Variants in MPRIP observed in about 807,000 individuals in gnomAD.
The protein encoded by MPRIP is myosin phosphatase Rho-interacting protein.
Under a neutral mutation model 234.9 loss-of-function variants are expected in MPRIP, and 59 were observed. The ratio of observed to expected loss-of-function variants is 0.25; its 90% CI spans 0.20 to 0.31. The LOEUF is 0.31. MPRIP is among the 10% of genes least tolerant of loss of function. MPRIP has a pLI of 1.00. For missense variants in MPRIP, 2,436 were observed against 3,071.0 expected (o/e 0.79, Z 4.89); for synonymous variants, 1,144 against 1,263.9 (o/e 0.91, Z 2.01).
chr17:17,161,042 G>A (rs1390788424), intron 14 of MPRIP, among the ~76,000 whole-genome samples, 198 bp from the exon 15 acceptor site: 2 of 152,214 alleles, frequency 1.3e-5, no homozygotes, highest in Non-Finnish European at 2.9e-5. Flanking sequence ...TACCAAGTCT[G>A]CCATTGTTAC....
At chr17:17,112,524 C>T (rs892654245) in intron 3 of MPRIP, among the ~76,000 whole-genome samples, 6 of 152,156 alleles carry the variant, frequency 3.9e-5, no homozygotes, top group African/African-American at 1.4e-4. Flanking sequence ...CCAGCCCCTC[C>T]CCAGCTGCCC....
intron 5 of MPRIP, among the ~76,000 whole-genome samples, chr17:17,135,703 C>G (rs964219477): frequency 1.3e-5 from 2 of 152,208 alleles, no homozygotes; most frequent in African/African-American, 4.8e-5. Context: ...ATGACCTAAT[C>G]ACCTCCTAAA....
chr17:17,048,143 G>A (rs892134007), intron 1 of MPRIP, among the ~76,000 whole-genome samples: 8 of 152,128 alleles, frequency 5.3e-5, no homozygotes, highest in African/African-American at 1.9e-4. Context: ...GTCTAGCCCT[G>A]TTTTTTTGTG....
chr17:17,112,104 C>T (rs2090184246), intron 3 of MPRIP, among the ~76,000 whole-genome samples: 1 of 152,162 alleles, frequency 6.6e-6, no homozygotes, highest in Non-Finnish European at 1.5e-5. Context: ...TGCGCTTTTC[C>T]AACTGGTGTC....
chr17:17,062,591 G>T (rs1226834275), intron 1 of MPRIP, among the ~76,000 whole-genome samples: 1 of 152,230 alleles, frequency 6.6e-6, no homozygotes. Flanking sequence ...TCCAGGGGGT[G>T]CCGTTCACCA....
At chr17:17,162,349 C>T (rs1031194649) in intron 15 of MPRIP, among the ~76,000 whole-genome samples, 1 of 152,202 alleles carries the variant, frequency 6.6e-6, no homozygotes, top group South Asian at 2.1e-4. Context: ...ATTTGCAGAC[C>T]GCAGTGCGCT....
Position 17,131,630 on chromosome 17 carries a change from C to A in MPRIP, c.433C>A (p.Leu145Ile). 6.2e-7 allele frequency: 1 copy of A among 1,614,168 alleles called. No homozygotes were observed. The highest frequency in any genetic ancestry group is 1.7e-4 in the Middle Eastern group (1 of 6,060). ...KEIVSGWLEMLMVYPRTNKQN... is the reference protein window; with the variant it reads ...KEIVSGWLEMIMVYPRTNKQN... ...TTCTCTTCCCAGGTGGCTGGAGATG[C>A]TCATGGTCTATCCCCGGACCAACAA... The change falls in exon 5 of 24, where the codon CTC (leucine) becomes ATC (isoleucine). Residue 145 changes from leucine to isoleucine, a missense_variant. Physicochemically the swap from Leu to Ile is conservative, Grantham distance 5 (BLOSUM62 2). This residue lies in a region of MPRIP where 140 missense variants were observed against 207.3 expected (regional missense o/e 0.68). Transcript: ENST00000651222.
Position 17,078,043 on chromosome 17 carries a change from G to T in MPRIP, c.234G>T (p.Glu78Asp), listed in dbSNP as rs150270997. The T allele has an allele frequency of 6.2e-7, 1 of 1,614,164 alleles. No homozygotes were observed. Among genetic ancestry groups the T allele is most frequent in the Non-Finnish European group, 8.5e-7 (1 of 1,180,014 alleles). ...AGCGACGGTTCTTCATCCTTTACGAGCACGGCCTCTTGCGCTACGCCCTGG... is the reference window on the plus strand; with the variant it reads ...AGCGACGGTTCTTCATCCTTTACGATCACGGCCTCTTGCGCTACGCCCTGG... ...KWQRRFFILY[E>D]HGLLRYALDE... is the part of the protein sequence containing the mutation. Residue 78 changes from glutamate to aspartate, a missense_variant, in exon 3 of 24, where the codon GAG becomes GAT. Coordinates refer to ENST00000651222, the MANE Select transcript of MPRIP (RefSeq NM_001364716.4). The surrounding 1 kb of genome is among the most constrained non-coding windows in gnomAD (Gnocchi z 4.3).
At chr17:17,062,223 A>G (rs2088888903) in intron 1 of MPRIP, among the ~76,000 whole-genome samples, 1 of 152,124 alleles carries the variant, frequency 6.6e-6, no homozygotes, top group Non-Finnish European at 1.5e-5. Context: ...TCTGCCAGGA[A>G]TGACCAAGAT....
Position 17,176,509 on chromosome 17 carries a change from G to C in MPRIP, c.6954G>C (p.Leu2318=), listed in dbSNP as rs763913731. ...SSLKDELQTA[L]RDKKYASDKY... ...TCAAGGATGAGCTGCAGACGGCACTGCGGGTAAGGCCACCGCACCACAGGA... is the reference window on the plus strand; with the variant it reads ...TCAAGGATGAGCTGCAGACGGCACTCCGGGTAAGGCCACCGCACCACAGGA... The change falls in exon 21 of 24, where the codon CTG becomes CTC. Residue 2318 remains leucine, a synonymous_variant. Transcript: ENST00000651222. 7.4e-6 allele frequency: 12 copies of C among 1,613,418 alleles called. No homozygotes were observed. The African/African-American group carries it at 1.5e-4, about 20-fold the overall frequency.
chr17:17,173,742 C>T (rs770732691), intron 18 of MPRIP, 174 bp from the exon 19 acceptor site: 10 of 747,758 alleles, frequency 1.3e-5, no homozygotes, highest in South Asian at 4.4e-5. Flanking sequence ...CAGGGAGGGG[C>T]GTGAGGCCAT....
chr17:17,136,377 A>G lies in MPRIP; in HGVS notation c.663A>G (p.Pro221=), dbSNP rs199591344. The change falls in exon 6 of 24, where the codon CCA becomes CCG. Residue 221 remains proline (P), a synonymous_variant. Transcript: ENST00000651222. ...AGCCAGATGGCAGCAGCCTGAGTCC[A>G]GCTCAGAGTCCCAGCCAGAGCCAGC... ...KDQPDGSSLS[P]AQSPSQSQPP... is the part of the protein sequence containing the mutation. The G allele has an allele frequency of 1.2e-5, 20 of 1,610,390 alleles. No individual in the cohort carries two copies. The African/African-American group carries it at 1.3e-4, about 11-fold the overall frequency.
In MPRIP at chr17:17,166,440, A is replaced by G. The variant is rs1399007959; in HGVS notation, c.4849A>G (p.Arg1617Gly). 1 of 1,304,384 alleles carries G rather than the reference A, an allele frequency of 7.7e-7. No homozygotes were observed. Among genetic ancestry groups the G allele is most frequent in the Middle Eastern group, 2.1e-4 (1 of 4,698 alleles). The allele number at this position is 1,304,384 out of a possible 1,614,324, so 80.8% of individuals were successfully genotyped here. A position where few individuals can be genotyped will look rare whatever the true frequency, so the allele number is the denominator to read the frequency against. Residue 1617 changes from arginine (R) to glycine (G), a missense_variant, in exon 16 of 24, where the codon AGG becomes GGG. By Grantham distance (125) the Arg-to-Gly change is moderately radical. This residue lies in a region of MPRIP where 1,998 missense variants were observed against 2,520.3 expected (regional missense o/e 0.79). Coordinates refer to ENST00000651222, the MANE Select transcript of MPRIP (RefSeq NM_001364716.4). The surrounding 1 kb of genome is among the most constrained non-coding windows in gnomAD (Gnocchi z 4.4). ...SAGAPVDTWA[R>G]KVLVDGEFWS... ...TGGGGCCCCCGTAGACACCTGGGCCAGGAAGGTCCTAGTGGATGGTGAGTT... is the reference window on the plus strand; with the variant it reads ...TGGGGCCCCCGTAGACACCTGGGCCGGGAAGGTCCTAGTGGATGGTGAGTT...
chr17:17,112,571 G>T (rs533815460), intron 3 of MPRIP, among the ~76,000 whole-genome samples: 1 of 152,038 alleles, frequency 6.6e-6, no homozygotes, highest in South Asian at 2.1e-4. Context: ...GGCTCCTGCC[G>T]TCTGCTCCTG....
chr17:17,142,831 C>G, intron 8 of MPRIP, 66 bp downstream of exon 8: 3 of 1,555,426 alleles, frequency 1.9e-6, no homozygotes, highest in East Asian at 2.3e-5. Flanking sequence ...GCACCCCATG[C>G]GCCAAGTCCC....
chr17:17,173,733 A>G, intron 18 of MPRIP, 183 bp from the exon 19 acceptor site: 3 of 727,988 alleles, frequency 4.1e-6, no homozygotes, highest in South Asian at 3.0e-5. Flanking sequence ...AGAAAGGACC[A>G]GGGAGGGGCG....
chr17:17,169,692 T>C (rs1318590271), intron 16 of MPRIP, among the ~76,000 whole-genome samples: 3 of 152,224 alleles, frequency 2.0e-5, no homozygotes, highest in South Asian at 4.1e-4. Flanking sequence ...CCCTGCAGAC[T>C]TACAGAACTT....
In MPRIP at chr17:17,158,711, T is replaced by C. The variant is rs2144597453; in HGVS notation, c.2109T>C (p.Arg703=). ...AGCCTGGGGAGCTGGAGCGGGAGCGTGCACGGAGGCGGGAGGAGCGCCGCA... is the reference window on the plus strand; with the variant it reads ...AGCCTGGGGAGCTGGAGCGGGAGCGCGCACGGAGGCGGGAGGAGCGCCGCA... ...EAEPGELERE[R]ARRREERRKR... is the part of the protein sequence containing the mutation. The change falls in exon 14 of 24, where the codon CGT becomes CGC. Residue 703 remains arginine (R), a synonymous_variant. Coordinates refer to ENST00000651222, the MANE Select transcript of MPRIP (RefSeq NM_001364716.4). The C allele has an allele frequency of 6.2e-7, 1 of 1,610,148 alleles. No homozygotes were observed. The highest frequency in any genetic ancestry group is 2.2e-5 in the East Asian group (1 of 44,866).
intron 14 of MPRIP, among the ~76,000 whole-genome samples, chr17:17,160,731 G>C (rs2045844163): frequency 6.6e-6 from 1 of 152,216 alleles, no homozygotes; most frequent in African/African-American, 2.4e-5. Flanking sequence ...ACCATAGTGG[G>C]CCCTGGAGTG....
Sources: gnomAD v4.1 joint callset for allele counts (sites outside exome capture counted in the v4.1 genomes callset) on GRCh38, gnomAD v4.1.1 for gene constraint, gnomAD v4.1.1 regional missense constraint, Gnocchi (gnomAD v3.1) non-coding constraint, MANE v1.5 for transcripts, NCBI Gene and HGNC (gene_info 2026-07-23, HGNC 2026-07-21) for gene names.